GAB2: variants seen among roughly 807,000 people sequenced by gnomAD.
The protein encoded by GAB2 is GRB2 associated binding protein 2.
Under a neutral mutation model 65.5 loss-of-function variants are expected in GAB2, and 26 were observed. That is an observed-to-expected ratio of 0.40 (90% confidence interval 0.29 to 0.55). GAB2 has a LOEUF of 0.55. Among genes scored for constraint, GAB2 ranks in the 20% least tolerant of loss-of-function variants. The pLI is 0.53. For missense variants in GAB2, 884 were observed against 875.8 expected, an observed-to-expected ratio of 1.01 and a Z score of -0.12; for synonymous variants, 321 against 329.6, an observed-to-expected ratio of 0.97 and a Z score of 0.28.
chr11:78,349,688 A>AT (rs1856245548), intron 1 of GAB2, among the ~76,000 whole-genome samples: 1 of 152,138 alleles, frequency 6.6e-6, no homozygotes, highest in African/African-American at 2.4e-5. Context: ...TCTTTTAAAA[A>AT]ATTTTTTTTA....
rs767824502 is a variant in GAB2, at chr11:78,226,563, T to C, written c.1109A>G (p.Gln370Arg). 5.3e-6 allele frequency: 8 copies of C among 1,498,600 alleles called. No individual in the cohort carries two copies. The South Asian group carries it at 5.6e-5, about 11-fold the overall frequency. 92.8% of individuals were successfully genotyped at this position (1,498,600 alleles called of 1,614,324 possible). ...ATTTTCACTGATTGGCGGTCTCTGC[T>C]GAGGACTGCCCCATCGAGGTGTTTC... Reference protein sequence around the residue: ...QAETPRWGSPQQRPPISENSR... With the variant: ...QAETPRWGSPRQRPPISENSR... The change falls in exon 4 of 10, where the codon CAG becomes CGG. Residue 370 changes from glutamine (Q) to arginine (R), a missense_variant. By Grantham distance (43) the Gln-to-Arg change is conservative. Transcript: ENST00000361507.
intron 1 of GAB2, among the ~76,000 whole-genome samples, chr11:78,350,247 A>G (rs562040548): frequency 3.3e-5 from 5 of 152,360 alleles, no homozygotes; most frequent in African/African-American, 1.2e-4. Flanking sequence ...ACCCTGGGAA[A>G]CTAGGCTCTA....
intron 1 of GAB2, among the ~76,000 whole-genome samples, chr11:78,290,659 G>A (rs1304754101): frequency 4.6e-5 from 7 of 152,196 alleles, no homozygotes; most frequent in Non-Finnish European, 1.0e-4. Flanking sequence ...GATTCTGCAA[G>A]ATTCTGCCTG....
rs116250615 is a variant in GAB2 at position 78,347,924 on chromosome 11, C to T, written c.76-67023G>A. On this transcript the variant is annotated intron_variant, in intron 1 of 9. Transcript: ENST00000361507. ...AAAAATCCATGTACAACTTTTGACTCCCCTGAAACTTAACTACTATAAACA... is the reference window on the plus strand; with the variant it reads ...AAAAATCCATGTACAACTTTTGACTTCCCTGAAACTTAACTACTATAAACA... Among the ~76,000 whole-genome samples, 1,056 of 152,144 alleles carry T rather than the reference C, an allele frequency of 6.9e-3. 10 individuals carry two copies. The highest frequency in any genetic ancestry group is 0.024 in the African/African-American group (995 of 41,494).
intron 1 of GAB2, among the ~76,000 whole-genome samples, chr11:78,291,766 A>T (rs114866621): frequency 6.6e-6 from 1 of 150,748 alleles, no homozygotes; most frequent in Non-Finnish European, 1.5e-5. Context: ...GAGTCTCACT[A>T]TGCTGGCTAG....
intron 1 of GAB2, among the ~76,000 whole-genome samples, chr11:78,306,349 GC>G (rs1855358828): frequency 6.6e-6 from 1 of 152,084 alleles, no homozygotes; most frequent in East Asian, 1.9e-4. Flanking sequence ...TCCTGCCTCA[GC>G]CTCCCAAGTA....
At chr11:78,370,780 C>T (rs989307388) in intron 1 of GAB2, among the ~76,000 whole-genome samples, 3 of 151,356 alleles carry the variant, frequency 2.0e-5, no homozygotes, top group Non-Finnish European at 2.9e-5. Context: ...CAGGCAGACA[C>T]GAAGCAATTT....
chr11:78,388,991 CTAAGGATGTCAA>C lies in GAB2; in HGVS notation c.75+28643_75+28654del, dbSNP rs555514266. On this transcript the variant is annotated intron_variant, in intron 1 of 9. Transcript: ENST00000361507. ...TCTCCTAGAAATCTACCTGAAAAGT[CTAAGGATGTCAA>C]TAGAATTCAAACTGATATTTAATGA... Among the ~76,000 whole-genome samples the C allele has an allele frequency of 2.4e-4, 37 of 152,268 alleles. No individual in the cohort carries two copies. In the East Asian group the frequency reaches 6.2e-3, roughly 25 times the overall value.
rs1448240490 is a variant in GAB2 at position 78,356,180 on chromosome 11, A to AG, written c.75+61465_75+61466insC. Among the ~76,000 whole-genome samples, 131 of 129,260 alleles carry AG rather than the reference A, an allele frequency of 1.0e-3. 1 individual carries two copies. Among genetic ancestry groups the AG allele is most frequent in the Middle Eastern group, 4.0e-3 (1 of 252 alleles). 84.8% of individuals were successfully genotyped at this position (129,260 alleles called of 152,430 possible). A position where few individuals can be genotyped will look rare whatever the true frequency, so the allele number is the denominator to read the frequency against. ...AGAGCAAGACTCCATCTCAAAAAAAAAGAAAAAAAAAAAAAAGACACAGTG... is the reference window on the plus strand; with the variant it reads ...AGAGCAAGACTCCATCTCAAAAAAAAGAGAAAAAAAAAAAAAAGACACAGTG... On this transcript the variant is annotated intron_variant, in intron 1 of 9. Coordinates refer to ENST00000361507, the MANE Select transcript of GAB2 (RefSeq NM_080491.3).
intron 3 of GAB2, among the ~76,000 whole-genome samples, chr11:78,242,634 T>G (rs61550687): frequency 0.03 from 4,521 of 152,046 alleles, 206 homozygotes; most frequent in African/African-American, 0.1. Context: ...CAATAAATGC[T>G]AATACCAAAA....
At chr11:78,338,376 A>G (rs1206592439) in intron 1 of GAB2, among the ~76,000 whole-genome samples, 1 of 152,180 alleles carries the variant, frequency 6.6e-6, no homozygotes, top group Non-Finnish European at 1.5e-5. Context: ...TCTTGCTACC[A>G]TGAGGCTGAA....
intron 1 of GAB2, among the ~76,000 whole-genome samples, chr11:78,386,758 G>A (rs530079930): frequency 6.6e-6 from 1 of 152,276 alleles, no homozygotes; most frequent in African/African-American, 2.4e-5. Context: ...TAAGGCATGT[G>A]GCTTAGAGTA....
Position 78,217,226 on chromosome 11 carries a change from C to T in GAB2, c.*2046G>A, listed in dbSNP as rs557944732. ...GAAGTCTCTGTCTGATGGCCATCAC[C>T]ACTGTCTCATGTCCTTGTCCTTTTT... On this transcript the variant is annotated 3_prime_UTR_variant, in exon 10 of 10. Coordinates refer to ENST00000361507, the MANE Select transcript of GAB2 (RefSeq NM_080491.3). 1.3e-5 allele frequency: 2 copies of T among 152,506 alleles called. No homozygotes were observed. The highest frequency in any genetic ancestry group is 4.1e-4 in the South Asian group (2 of 4,824). The allele number at this position is 152,506 out of a possible 1,614,324, so 9.4% of individuals were successfully genotyped here.
chr11:78,296,291 C>A (rs542321921), intron 1 of GAB2, among the ~76,000 whole-genome samples: 19 of 152,188 alleles, frequency 1.2e-4, no homozygotes, highest in Non-Finnish European at 2.5e-4. Flanking sequence ...GATTAGGTTC[C>A]TCTTAGCCTC....
intron 5 of GAB2, among the ~76,000 whole-genome samples, chr11:78,223,882 A>T (rs912443552): frequency 6.6e-6 from 1 of 152,128 alleles, no homozygotes; most frequent in Non-Finnish European, 1.5e-5. Flanking sequence ...GGGGTTCGAG[A>T]CCAGCTTGGC....
At chr11:78,274,099 A>G (rs1449963621) in intron 2 of GAB2, among the ~76,000 whole-genome samples, 1 of 151,880 alleles carries the variant, frequency 6.6e-6, no homozygotes, top group Non-Finnish European at 1.5e-5. Context: ...ATATAGTGAG[A>G]CCCTGTCTCT....
intron 1 of GAB2, among the ~76,000 whole-genome samples, chr11:78,303,300 T>C (rs1377216411): frequency 1.3e-5 from 2 of 152,224 alleles, no homozygotes; most frequent in African/African-American, 4.8e-5. Context: ...TATAAATGTT[T>C]TATAATTTTA....
rs367736378 is a variant in GAB2, at chr11:78,379,476, A to G, written c.75+38170T>C. Among the ~76,000 whole-genome samples, 65 of 152,360 alleles carry G rather than the reference A, an allele frequency of 4.3e-4. 2 individuals are homozygous for G. The South Asian group carries it at 0.013, about 30-fold the overall frequency. ...AATAGATAAGGTAAAGCTTCTTTTT[A>G]GGAAAGGGTTTTCTCACACAGTTGA... On this transcript the variant is annotated intron_variant, in intron 1 of 9. Coordinates refer to ENST00000361507, the MANE Select transcript of GAB2 (RefSeq NM_080491.3).
intron 1 of GAB2, among the ~76,000 whole-genome samples, chr11:78,282,295 G>C (rs190739192): frequency 1.3e-5 from 2 of 151,148 alleles, no homozygotes; most frequent in East Asian, 3.9e-4. Flanking sequence ...CTTTACCATT[G>C]ACTGGCTGTG....
Sources: gnomAD v4.1 joint callset for allele counts (sites outside exome capture counted in the v4.1 genomes callset) on GRCh38, gnomAD v4.1.1 for gene constraint, MANE v1.5 for transcripts, NCBI Gene and HGNC (gene_info 2026-07-23, HGNC 2026-07-21) for gene names.